The following ALDH1A1 variants were observed in gnomAD, a reference collection of about 807,000 sequenced individuals.
ALDH1A1 encodes aldehyde dehydrogenase 1 family member A1, also known as aldehyde dehydrogenase 1A1.
In ALDH1A1, 19 loss-of-function variants were observed where a neutral mutation model predicts 62.1. The observed-to-expected ratio is 0.31, with a 90% CI of 0.21 to 0.45. The LOEUF is 0.45. Ranked by LOEUF, ALDH1A1 falls within the 20% of genes least tolerant of loss-of-function variation. The probability of loss-of-function intolerance (pLI) is 1.00; values close to 1 mark genes in which losing one functional copy is unlikely to be tolerated. For missense variants in ALDH1A1, 521 were observed against 607.1 expected (o/e 0.86, Z 1.49); for synonymous variants, 231 against 215.9 (o/e 1.07, Z -0.61).
chr9:72,935,644 A>G (rs1830338373), intron 2 of ALDH1A1, among the ~76,000 whole-genome samples: 1 of 152,220 alleles, frequency 6.6e-6, no homozygotes, highest in African/African-American at 2.4e-5. Context: ...TATAGCCTAA[A>G]AGAACCACTG....
chr9:72,922,578 C>T (rs1564630955), intron 7 of ALDH1A1, among the ~76,000 whole-genome samples: 1 of 151,952 alleles, frequency 6.6e-6, no homozygotes, highest in Non-Finnish European at 1.5e-5. Flanking sequence ...ACAAAAAATA[C>T]ACTAACAGTA....
At chr9:72,935,395 G>T (rs1050110119) in intron 2 of ALDH1A1, among the ~76,000 whole-genome samples, 5 of 152,144 alleles carry the variant, frequency 3.3e-5, no homozygotes, top group African/African-American at 1.2e-4. Flanking sequence ...CAGTTCAAAT[G>T]ATGATGAGAT....
At chr9:72,907,512 C>T (rs1019871778) in intron 11 of ALDH1A1, among the ~76,000 whole-genome samples, 4 of 152,034 alleles carry the variant, frequency 2.6e-5, no homozygotes, top group South Asian at 2.1e-4. Context: ...TTCTGCTAGT[C>T]GAAAATACAA....
intron 2 of ALDH1A1, among the ~76,000 whole-genome samples, chr9:72,937,753 G>A (rs530343501): frequency 6.6e-6 from 1 of 152,152 alleles, no homozygotes; most frequent in African/African-American, 2.4e-5. Flanking sequence ...AACAAAGGTT[G>A]AGTAATATTA....
intron 8 of ALDH1A1, 132 bp downstream of exon 8, chr9:72,918,581 GACTCTTT>G (rs555183266): frequency 3.3e-5 from 18 of 547,914 alleles, no homozygotes; most frequent in Non-Finnish European, 5.4e-5. Context: ...AGTAATTTTG[GACTCTTT>G]ACACTTTGAT....
chr9:72,924,053 T>A lies in ALDH1A1; in HGVS notation c.713A>T (p.Asp238Val). 3 of 1,613,036 alleles carry A rather than the reference T, an allele frequency of 1.9e-6. No homozygotes were observed. Among genetic ancestry groups the A allele is most frequent in the Non-Finnish European group, 1.7e-6 (2 of 1,179,402 alleles). The change falls in exon 7 of 13, where the codon GAT becomes GTT. Residue 238 changes from aspartate (D) to valine (V), a missense_variant. Coordinates refer to ENST00000297785, the MANE Select transcript of ALDH1A1 (RefSeq NM_000689.5). ...TCCTGTGAAGGCTACTTTGTCTATATCCATGTGAGAAGAAATGGCTGCCCC... is the reference window on the plus strand; with the variant it reads ...TCCTGTGAAGGCTACTTTGTCTATAACCATGTGAGAAGAAATGGCTGCCCC... ...TAGAAISSHM[D>V]IDKVAFTGST...
At chr9:72,952,506 G>A (rs1384736979) in intron 1 of ALDH1A1, among the ~76,000 whole-genome samples, 1 of 151,890 alleles carries the variant, frequency 6.6e-6, no homozygotes, top group Admixed American at 6.6e-5. Context: ...TAAACATATT[G>A]GAAAGTTATG....
chr9:72,912,563 T>A (rs1564625234), intron 9 of ALDH1A1, among the ~76,000 whole-genome samples: 1 of 152,180 alleles, frequency 6.6e-6, no homozygotes, highest in Non-Finnish European at 1.5e-5. Context: ...GCTTTAAGAC[T>A]GTTCTTAGAA....
intron 7 of ALDH1A1, among the ~76,000 whole-genome samples, chr9:72,920,789 C>G (rs1830130385): frequency 6.6e-6 from 1 of 152,164 alleles, no homozygotes; most frequent in Admixed American, 6.5e-5. Context: ...TATCATTTTT[C>G]TCAAAGGAGT....
At position 72,916,048 on chromosome 9, in the gene ALDH1A1, A is replaced by G. The variant is rs1232221680; in HGVS notation, c.1035+872T>C. Among the ~76,000 whole-genome samples the G allele has an allele frequency of 3.9e-5, 6 of 152,122 alleles. No homozygotes were observed. In the East Asian group the frequency reaches 1.2e-3, roughly 29 times the overall value. On this transcript the variant is annotated intron_variant, in intron 9 of 12. Transcript: ENST00000297785. ...ATTTTGGGCCAGATAATTCTTTGTC[A>G]TGGGGCTGTCCTGGTCACTGCAAGA... is the stretch of plus-strand genomic sequence containing the variant.
intron 1 of ALDH1A1, among the ~76,000 whole-genome samples, chr9:72,942,075 C>A (rs763313376): frequency 9.9e-5 from 15 of 152,126 alleles, no homozygotes; most frequent in Non-Finnish European, 1.9e-4. Context: ...ATTGTATTAT[C>A]TTTTGGGAAA....
At chr9:72,922,159 G>A (rs1010265525) in intron 7 of ALDH1A1, among the ~76,000 whole-genome samples, 16 of 152,036 alleles carry the variant, frequency 1.1e-4, no homozygotes, top group Admixed American at 6.6e-4. Flanking sequence ...TGTACTGAGC[G>A]CTCAGTAGGG....
chr9:72,923,157 A>G (rs1427730906), intron 7 of ALDH1A1, among the ~76,000 whole-genome samples: 1 of 152,146 alleles, frequency 6.6e-6, no homozygotes, highest in Non-Finnish European at 1.5e-5. Flanking sequence ...TTTGGACATC[A>G]TCATTCCTTC....
chr9:72,934,026 G>C (rs137936377), intron 2 of ALDH1A1, among the ~76,000 whole-genome samples: 11 of 152,192 alleles, frequency 7.2e-5, no homozygotes, highest in Middle Eastern at 3.4e-3. Flanking sequence ...AAACCCCTGG[G>C]CTCAAGTGAT....
Position 72,912,020 on chromosome 9 carries a change from A to T in ALDH1A1, c.1138T>A (p.Tyr380Asn), listed in dbSNP as rs1383449872. The change falls in exon 10 of 13, where the codon TAC (tyrosine) becomes AAC (asparagine). Residue 380 changes from tyrosine to asparagine, a missense_variant. Tyr to Asn is a moderately radical substitution (Grantham distance 143). Transcript: ENST00000297785. ...CGGGPWGNKG[Y>N]FVQPTVFSNV... Reference sequence around the variant, plus strand: ...GAGAACACTGTGGGCTGGACAAAGTAGCCTTTATTCCCCCACGGGCCTCCT... The same window carrying T: ...GAGAACACTGTGGGCTGGACAAAGTTGCCTTTATTCCCCCACGGGCCTCCT... The T allele has an allele frequency of 6.2e-7, 1 of 1,613,902 alleles. No homozygotes were observed. Among genetic ancestry groups the T allele is most frequent in the Non-Finnish European group, 8.5e-7 (1 of 1,179,926 alleles).
In ALDH1A1 at chr9:72,930,919, T is replaced by C. The variant is rs1830272851; in HGVS notation, c.272A>G (p.Lys91Arg). 6.2e-7 allele frequency: 1 copy of C among 1,614,068 alleles called. No individual in the cohort carries two copies. ...DASERGRLLY[K>R]LADLIERDRL... ...ATCTCTTTCGATTAAATCAGCCAAC[T>C]TGTATAATAGTCGCCCCCTCTCGGA... Residue 91 changes from lysine (K) to arginine (R), a missense_variant, in exon 3 of 13, where the codon AAG becomes AGG. Lys to Arg is a conservative substitution (Grantham distance 26). Transcript: ENST00000297785.
intron 9 of ALDH1A1, among the ~76,000 whole-genome samples, chr9:72,914,842 T>A (rs1035535676): frequency 6.6e-6 from 1 of 152,094 alleles, no homozygotes; most frequent in South Asian, 2.1e-4. Flanking sequence ...TGACCATTAT[T>A]TTTTCTATAA....
Position 72,949,841 on chromosome 9 carries a change from A to T in ALDH1A1, c.66+3094T>A, listed in dbSNP as rs541032397. On this transcript the variant is annotated intron_variant, in intron 1 of 12. Coordinates refer to ENST00000297785, the MANE Select transcript of ALDH1A1 (RefSeq NM_000689.5). Reference sequence around the variant, plus strand: ...TTGAATTTCCTATTTCCCTTTTATAAAAAAAAAAAAAGAAAAAAGAAAAGG... The same window carrying T: ...TTGAATTTCCTATTTCCCTTTTATATAAAAAAAAAAAGAAAAAAGAAAAGG... Among the ~76,000 whole-genome samples the T allele has an allele frequency of 3.6e-3, 520 of 142,830 alleles. 4 individuals are homozygous for T. Among genetic ancestry groups the T allele is most frequent in the African/African-American group, 0.014 (491 of 35,948 alleles). 93.7% of individuals were successfully genotyped at this position (142,830 alleles called of 152,430 possible). A position where few individuals can be genotyped will look rare whatever the true frequency, so the allele number is the denominator to read the frequency against.
chr9:72,943,928 G>T (rs781641622), intron 1 of ALDH1A1, among the ~76,000 whole-genome samples: 2 of 151,966 alleles, frequency 1.3e-5, no homozygotes, highest in Non-Finnish European at 2.9e-5. Flanking sequence ...TTGAAGGATG[G>T]AACTGGATTG....
Sources: gnomAD v4.1 joint callset for allele counts (sites outside exome capture counted in the v4.1 genomes callset) on GRCh38, gnomAD v4.1.1 for gene constraint, MANE v1.5 for transcripts, NCBI Gene and HGNC (gene_info 2026-07-23, HGNC 2026-07-21) for gene names.